The following PTPRF variants were observed in gnomAD, a reference collection of about 807,000 sequenced individuals.
The protein encoded by PTPRF is protein tyrosine phosphatase receptor type F.
A neutral mutation model predicts 201.8 loss-of-function variants in PTPRF; 59 were observed. The observed-to-expected ratio is 0.29, with a 90% CI of 0.24 to 0.36. PTPRF has a LOEUF of 0.36. Among genes scored for constraint, PTPRF ranks in the 10% least tolerant of loss-of-function variants. PTPRF has a pLI of 1.00. For missense variants in PTPRF, 2,132 were observed against 2,690.5 expected, an observed-to-expected ratio of 0.79 and a Z score of 4.59; for synonymous variants, 1,088 against 1,089.7, an observed-to-expected ratio of 1.00 and a Z score of 0.03.
Position 43,603,730 on chromosome 1 carries a change from G to C in PTPRF, c.2578G>C (p.Ala860Pro), listed in dbSNP as rs779194364. ...LLGYRLQYCR[A>P]DEARPNTIDF... ...GGGCTACCGGCTGCAGTACTGCCGGGCCGACGAGGCGCGGCCCAACACCAT... is the reference window on the plus strand; with the variant it reads ...GGGCTACCGGCTGCAGTACTGCCGGCCCGACGAGGCGCGGCCCAACACCAT... Residue 860 changes from alanine (A) to proline (P), a missense_variant, in exon 16 of 34, where the codon GCC (alanine) becomes CCC (proline). Physicochemically the swap from Ala to Pro is conservative, Grantham distance 27. Coordinates refer to ENST00000359947, the MANE Select transcript of PTPRF (RefSeq NM_002840.5). This position sits in a 1 kb window ranked among gnomAD's most constrained non-coding sequence, Gnocchi z 5.8. The C allele has an allele frequency of 1.7e-5, 27 of 1,613,734 alleles. No homozygotes were observed. The highest frequency in any genetic ancestry group is 2.3e-5 in the Non-Finnish European group (27 of 1,180,044).
At chr1:43,568,841 A>T (rs976662594) in intron 5 of PTPRF, among the ~76,000 whole-genome samples, 1 of 151,972 alleles carries the variant, frequency 6.6e-6, no homozygotes, top group African/African-American at 2.4e-5. Context: ...GCCAGGAGGG[A>T]GTTTTTTCTC....
chr1:43,603,349 G>A lies in PTPRF; in HGVS notation c.2341-67G>A, dbSNP rs574027866. On this transcript the variant is annotated intron_variant, in intron 14 of 33. Transcript: ENST00000359947. The surrounding 1 kb of genome is among the most constrained non-coding windows in gnomAD (Gnocchi z 5.8). ...GCTCCCCTCAGGCTAGGGTCCTGAG[G>A]TCCCTGACAAGGTCTGGCCTCTCCC... 4.2e-6 allele frequency: 6 copies of A among 1,442,990 alleles called. No individual in the cohort carries two copies. The South Asian group carries it at 5.7e-5, about 14-fold the overall frequency. The allele number at this position is 1,442,990 out of a possible 1,614,324, so 89.4% of individuals were successfully genotyped here.
chr1:43,532,054 T>C (rs1416951682), intron 1 of PTPRF, among the ~76,000 whole-genome samples: 3 of 152,176 alleles, frequency 2.0e-5, no homozygotes, highest in Non-Finnish European at 4.4e-5. Context: ...TCTTGTTCCC[T>C]GTCCCTGAGT....
At chr1:43,596,541 G>A (rs1010866901) in intron 11 of PTPRF, among the ~76,000 whole-genome samples, 1 of 152,176 alleles carries the variant, frequency 6.6e-6, no homozygotes, top group African/African-American at 2.4e-5. Flanking sequence ...TTGAGTGAGG[G>A]CACCTCTGTT....
chr1:43,605,026 G>T (rs767384613), intron 17 of PTPRF, 26 bp downstream of exon 17: 9 of 1,607,268 alleles, frequency 5.6e-6, no homozygotes, highest in African/African-American at 2.7e-5. Context: ...GGCCAGCTGA[G>T]CCTGGCACAC....
chr1:43,540,367 TGA>T (rs1644285691), intron 2 of PTPRF, among the ~76,000 whole-genome samples: 1 of 152,002 alleles, frequency 6.6e-6, no homozygotes, highest in African/African-American at 2.4e-5. Context: ...ATGGGCCACT[TGA>T]GCAGAGTTCT....
At chr1:43,534,997 A>G (rs1322683854) in intron 1 of PTPRF, among the ~76,000 whole-genome samples, 1 of 152,240 alleles carries the variant, frequency 6.6e-6, no homozygotes, top group African/African-American at 2.4e-5. Flanking sequence ...CTTGGCATCT[A>G]GTGAGTACTG....
chr1:43,538,014 A>C lies in PTPRF; in HGVS notation c.-125-184A>C, dbSNP rs17849106. On this transcript the variant is annotated intron_variant, in intron 1 of 33. Coordinates refer to ENST00000359947, the MANE Select transcript of PTPRF (RefSeq NM_002840.5). ...AGGTGCTTAGGGAGTATCAAAATGA[A>C]TGAGCGAGGGAGTGAAGGGAAAAGA... is the stretch of plus-strand genomic sequence containing the variant. Among the ~76,000 whole-genome samples the C allele has an allele frequency of 4.9e-3, 744 of 152,276 alleles. 30 individuals carry two copies. In the East Asian group the frequency reaches 0.1, roughly 21 times the overall value.
intron 7 of PTPRF, among the ~76,000 whole-genome samples, chr1:43,581,640 A>G (rs935041817): frequency 2.0e-5 from 3 of 152,206 alleles, no homozygotes; most frequent in African/African-American, 7.2e-5. Flanking sequence ...CTTCAGCCCC[A>G]GCGCCTGGGG....
At chr1:43,566,560 T>C (rs995965981) in intron 5 of PTPRF, among the ~76,000 whole-genome samples, 7 of 152,218 alleles carry the variant, frequency 4.6e-5, no homozygotes, top group Admixed American at 4.6e-4. Context: ...TGTGCCAGTC[T>C]GGCTGATAGA....
At chr1:43,616,678 C>T (rs1349656827) in intron 23 of PTPRF, among the ~76,000 whole-genome samples, 1 of 151,984 alleles carries the variant, frequency 6.6e-6, no homozygotes, top group African/African-American at 2.4e-5. Context: ...AGCAGCAGCG[C>T]CAGGTTTGGA....
chr1:43,561,262 A>T (rs1645788988), intron 5 of PTPRF, among the ~76,000 whole-genome samples: 2 of 152,038 alleles, frequency 1.3e-5, no homozygotes. Context: ...GGGAGCTTAC[A>T]TTTGCAAGAT....
In PTPRF at chr1:43,623,160, C is replaced by G. The variant is rs1204246700; in HGVS notation, c.*1157C>G. The G allele has an allele frequency of 6.5e-6, 1 of 152,712 alleles. No individual in the cohort carries two copies. The highest frequency in any genetic ancestry group is 1.5e-5 in the Non-Finnish European group (1 of 68,086). The allele number at this position is 152,712 out of a possible 1,614,324, so 9.5% of individuals were successfully genotyped here. On this transcript the variant is annotated 3_prime_UTR_variant, in exon 34 of 34. Coordinates refer to ENST00000359947, the MANE Select transcript of PTPRF (RefSeq NM_002840.5). ...GGGGGCGTGGCTGGCCTTTCAGGTC[C>G]AGGCCAGTGGGCCTGGTAGCACATG...
intron 23 of PTPRF, 125 bp from the exon 24 acceptor site, chr1:43,617,320 C>T: frequency 2.2e-6 from 3 of 1,373,922 alleles, no homozygotes; most frequent in South Asian, 2.7e-5. Flanking sequence ...AGATAGAGGG[C>T]CTGGCTGTGG....
intron 6 of PTPRF, chr1:43,575,798 T>G: frequency 4.1e-6 from 4 of 972,980 alleles, no homozygotes; most frequent in Non-Finnish European, 5.7e-6. Flanking sequence ...TCTCCATGTA[T>G]TTAAGGCCCT....
rs1466179412 is a variant in PTPRF, at chr1:43,606,435, T to C, written c.3679T>C (p.Ser1227Pro). 2 of 1,613,834 alleles carry C rather than the reference T, an allele frequency of 1.2e-6. No individual in the cohort carries two copies. The highest frequency in any genetic ancestry group is 1.6e-4 in the Middle Eastern group (1 of 6,062). The stretch of plus-strand genomic sequence containing the variant: ...GAGCTACCAGTGCTTTGTGCTTGCC[T>C]CCTTGAAGGAACCCATGGACCAGGT... ...DLSYQCFVLA[S>P]LKEPMDQKRY... Residue 1227 changes from serine (S) to proline (P), a missense_variant, in exon 20 of 34, where the codon TCC (serine) becomes CCC (proline). This residue lies in a region of PTPRF where 818 missense variants were observed against 915.3 expected (regional missense o/e 0.89). Transcript: ENST00000359947.
intron 33 of PTPRF, 129 bp downstream of exon 33, chr1:43,621,361 C>A: frequency 5.6e-6 from 7 of 1,258,906 alleles, no homozygotes; most frequent in Non-Finnish European, 7.7e-6. Context: ...ACGTGGCCTG[C>A]GATAGGCATG....
intron 5 of PTPRF, among the ~76,000 whole-genome samples, chr1:43,565,833 C>G (rs1007234737): frequency 6.6e-6 from 1 of 152,146 alleles, no homozygotes; most frequent in South Asian, 2.1e-4. Flanking sequence ...GGGCGGACAG[C>G]GGACGCGCGC....
intron 6 of PTPRF, among the ~76,000 whole-genome samples, chr1:43,570,368 C>T (rs1214510826): frequency 1.3e-5 from 2 of 152,256 alleles, no homozygotes; most frequent in African/African-American, 4.8e-5. Context: ...GCCTGTGAGG[C>T]TCCTGCCAGG....
Sources: allele counts gnomAD v4.1 joint callset (sites outside exome capture counted in the v4.1 genomes callset), GRCh38; gene constraint gnomAD v4.1.1; regional missense constraint gnomAD v4.1.1; non-coding constraint Gnocchi (gnomAD v3.1); transcripts MANE v1.5; gene names NCBI Gene and HGNC (gene_info 2026-07-23, HGNC 2026-07-21).